Variants in CAV1 observed in about 807,000 individuals in gnomAD.
CAV1 encodes caveolin-1.
In CAV1, 10 loss-of-function variants were observed where a neutral mutation model predicts 16.5. That is an observed-to-expected ratio of 0.61 (90% CI 0.37 to 1.03). CAV1 has a LOEUF of 1.03. Among genes scored for constraint, CAV1 ranks in the 50% least tolerant of loss-of-function variants. The pLI, the probability that CAV1 is intolerant of heterozygous loss-of-function variation, is 0.01. For missense variants in CAV1, 212 were observed against 232.8 expected, an observed-to-expected ratio of 0.91 and a Z score of 0.58; for synonymous variants, 76 against 85.1, an observed-to-expected ratio of 0.89 and a Z score of 0.59.
chr7:116,540,610 T>A (rs1435431421), intron 2 of CAV1, among the ~76,000 whole-genome samples: 3 of 152,204 alleles, frequency 2.0e-5, no homozygotes, highest in Non-Finnish European at 4.4e-5. Flanking sequence ...GAAACTTGCG[T>A]GAACAAGTTA....
At chr7:116,558,857 T>C in intron 2 of CAV1, 89 bp from the exon 3 acceptor site, 2 of 961,844 alleles carry the variant, frequency 2.1e-6, no homozygotes, top group Admixed American at 4.0e-5. Context: ...TAAATGCTAA[T>C]ACAGTATATG....
At chr7:116,545,834 A>T (rs2116038443) in intron 2 of CAV1, among the ~76,000 whole-genome samples, 1 of 152,382 alleles carries the variant, frequency 6.6e-6, no homozygotes, top group East Asian at 1.9e-4. Flanking sequence ...GATTTGTCCC[A>T]TGACATGCCC....
intron 2 of CAV1, 108 bp downstream of exon 2, chr7:116,526,797 T>C: frequency 8.2e-7 from 1 of 1,220,608 alleles, no homozygotes; most frequent in Non-Finnish European, 1.2e-6. Context: ...CCCCGCCCCC[T>C]ACACGCGCAC....
chr7:116,526,387 C>A (rs1793559798), intron 1 of CAV1, 138 bp from the exon 2 acceptor site: 5 of 1,530,406 alleles, frequency 3.3e-6, no homozygotes, highest in South Asian at 1.2e-5. Context: ...GCTGTCGGAG[C>A]GGTTAGTTCG....
At chr7:116,555,542 G>GAGAGAGAGAGAA (rs1478856618) in intron 2 of CAV1, among the ~76,000 whole-genome samples, 9 of 12,146 alleles carry the variant, frequency 7.4e-4, no homozygotes, top group African/African-American at 1.9e-3. Flanking sequence ...GAGAGAGAGA[G>GAGAGAGAGAGAA]AGAAAGAAAG....
chr7:116,532,051 C>T (rs1793696047), intron 2 of CAV1, among the ~76,000 whole-genome samples: 1 of 152,178 alleles, frequency 6.6e-6, no homozygotes, highest in Non-Finnish European at 1.5e-5. Flanking sequence ...CATCTATTAA[C>T]TGCAATCAAA....
chr7:116,525,491 A>C, intron 1 of CAV1: 3 of 1,278,326 alleles, frequency 2.3e-6, no homozygotes, highest in Non-Finnish European at 3.0e-6. Context: ...TATTTACCCG[A>C]GTCCTGGGGA....
Position 116,560,788 on chromosome 7 carries a change from T to C in CAV1, c.*1501T>C, listed in dbSNP as rs1471574958. On this transcript the variant is annotated 3_prime_UTR_variant, in exon 3 of 3. Coordinates refer to ENST00000341049, the MANE Select transcript of CAV1 (RefSeq NM_001753.5). Reference sequence around the variant, plus strand: ...ACTTATTGGAACTCTGCTTGATTTTTGCCTCTTCCAGTCTTCCTGACACTT... The same window carrying C: ...ACTTATTGGAACTCTGCTTGATTTTCGCCTCTTCCAGTCTTCCTGACACTT... 1 of 152,628 alleles carries C rather than the reference T, an allele frequency of 6.6e-6. No individual in the cohort carries two copies. Among genetic ancestry groups the C allele is most frequent in the Non-Finnish European group, 1.5e-5 (1 of 68,046 alleles). The allele number at this position is 152,628 out of a possible 1,614,324, so 9.5% of individuals were successfully genotyped here.
chr7:116,529,260 T>A (rs1322282382), intron 2 of CAV1, among the ~76,000 whole-genome samples: 2 of 152,190 alleles, frequency 1.3e-5, no homozygotes, highest in Non-Finnish European at 2.9e-5. Context: ...GCCAATGGAA[T>A]CTACTGTTAA....
At chr7:116,551,837 T>C (rs1327256598) in intron 2 of CAV1, 1 of 152,202 alleles carries the variant, frequency 6.6e-6, no homozygotes, top group Non-Finnish European at 1.5e-5. Context: ...CTCACTCACA[T>C]GGCCGATGGC....
chr7:116,561,079 T>G lies in CAV1; in HGVS notation c.*1792T>G, dbSNP rs993589427. The G allele has an allele frequency of 1.3e-5, 2 of 152,656 alleles. No individual in the cohort carries two copies. Among genetic ancestry groups the G allele is most frequent in the Non-Finnish European group, 2.9e-5 (2 of 68,042 alleles). 9.5% of individuals were successfully genotyped at this position (152,656 alleles called of 1,614,324 possible). ...CAAATCAATTACTGGTCCAAAAGAT[T>G]GCTGAAATTTTATATGCTTACTGAT... On this transcript the variant is annotated 3_prime_UTR_variant, in exon 3 of 3. Transcript: ENST00000341049.
chr7:116,551,925 C>G (rs1181515499), intron 2 of CAV1: 1 of 152,924 alleles, frequency 6.5e-6, no homozygotes, highest in Non-Finnish European at 1.5e-5. Flanking sequence ...TCTCTCAGTT[C>G]CTTTCCACAT....
intron 2 of CAV1, among the ~76,000 whole-genome samples, chr7:116,546,788 G>A (rs1271302727): frequency 6.6e-6 from 1 of 151,738 alleles, no homozygotes; most frequent in East Asian, 1.9e-4. Flanking sequence ...TCATTTTGGT[G>A]AGGGAATGTG....
intron 2 of CAV1, among the ~76,000 whole-genome samples, chr7:116,533,132 G>T (rs1793717744): frequency 6.6e-6 from 1 of 152,060 alleles, no homozygotes; most frequent in Non-Finnish European, 1.5e-5. Context: ...ATGAGGTTAG[G>T]AGAGCAAGAT....
chr7:116,535,343 G>C (rs1793788182), intron 2 of CAV1, among the ~76,000 whole-genome samples: 1 of 152,124 alleles, frequency 6.6e-6, no homozygotes, highest in Admixed American at 6.5e-5. Context: ...CTCGTCTGCT[G>C]TCTTTTATCA....
chr7:116,534,374 TATATATATATATATATATATA>T (rs1793752467), intron 2 of CAV1, among the ~76,000 whole-genome samples: 2 of 14,888 alleles, frequency 1.3e-4, no homozygotes, highest in Non-Finnish European at 3.2e-4. Flanking sequence ...TATATATATA[TATATATATATATATATATATA>T]TTTTTTTTTT....
chr7:116,558,680 G>T (rs975335113), intron 2 of CAV1, among the ~76,000 whole-genome samples: 1 of 151,952 alleles, frequency 6.6e-6, no homozygotes, highest in Non-Finnish European at 1.5e-5. Flanking sequence ...TTGAGCCTGG[G>T]AAGTCGAAGC....
chr7:116,527,391 G>A (rs1793587363), intron 2 of CAV1, among the ~76,000 whole-genome samples: 1 of 152,180 alleles, frequency 6.6e-6, no homozygotes, highest in Non-Finnish European at 1.5e-5. Context: ...TGCTTCTTTA[G>A]TAGCTACCTG....
At chr7:116,530,208 C>CTCTTTTTTTTTTTTTTTTTTTTTTTT (rs370865342) in intron 2 of CAV1, among the ~76,000 whole-genome samples, 1 of 125,360 alleles carries the variant, frequency 8.0e-6, no homozygotes, top group African/African-American at 3.2e-5. Context: ...GTCCTTTTTC[C>CTCTTTTTTTTTTTTTTTTTTTTTTTT]TTTTTTTTTT....
Sources: allele counts gnomAD v4.1 joint callset (sites outside exome capture counted in the v4.1 genomes callset), GRCh38; gene constraint gnomAD v4.1.1; transcripts MANE v1.5; gene names NCBI Gene and HGNC (gene_info 2026-07-23, HGNC 2026-07-21).